The following TTLL10 variants were observed in gnomAD, a reference collection of about 807,000 sequenced individuals.
TTLL10 encodes the protein inactive polyglycylase TTLL10.
TTLL10 carries 61 observed loss-of-function variants against 69.0 expected under a neutral mutation model. The ratio of observed to expected loss-of-function variants is 0.88; its 90% CI spans 0.72 to 1.09. The LOEUF is 1.09. TTLL10 is among the 50% of genes least tolerant of loss of function. The pLI is 0.00. For missense variants in TTLL10, 962 were observed against 945.9 expected, an observed-to-expected ratio of 1.02 and a Z score of -0.22; for synonymous variants, 408 against 393.3, an observed-to-expected ratio of 1.04 and a Z score of -0.44.
At chr1:1,183,472 A>C (rs1018322792) in intron 11 of TTLL10, among the ~76,000 whole-genome samples, 1 of 151,404 alleles carries the variant, frequency 6.6e-6, no homozygotes. Context: ...AGACCTGTCG[A>C]CCTCACCCCC....
chr1:1,174,840 C>A (rs1427539503), intron 3 of TTLL10: 1 of 152,204 alleles, frequency 6.6e-6, no homozygotes, highest in Non-Finnish European at 1.5e-5. Flanking sequence ...GATTTCAGTC[C>A]GGGGCGGTGG....
chr1:1,185,518 C>T lies in TTLL10; in HGVS notation c.1401+409C>T, dbSNP rs1284574340. On this transcript the variant is annotated intron_variant, in intron 13 of 15. Transcript: ENST00000379289. The surrounding 1 kb of genome is among the most constrained non-coding windows in gnomAD (Gnocchi z 6.1). ...GCAGCTGCCCGTGCAGGCCCGGACT[C>T]TCCCTAGCTAAGGGCCATGTGCGGT... The T allele has an allele frequency of 2.7e-5, 28 of 1,038,196 alleles. No individual in the cohort carries two copies. The highest frequency in any genetic ancestry group is 3.1e-5 in the Non-Finnish European group (27 of 864,784). The allele number at this position is 1,038,196 out of a possible 1,614,324, so 64.3% of individuals were successfully genotyped here. A position where few individuals can be genotyped will look rare whatever the true frequency, so the allele number is the denominator to read the frequency against.
At chr1:1,192,042 G>T (rs1647831658) in intron 13 of TTLL10, among the ~76,000 whole-genome samples, 1 of 152,248 alleles carries the variant, frequency 6.6e-6, no homozygotes, top group Non-Finnish European at 1.5e-5. Context: ...GTGCTGCAGA[G>T]ATTTGTTTAT....
intron 5 of TTLL10, 134 bp from the exon 6 acceptor site, chr1:1,179,900 C>A: frequency 4.9e-6 from 7 of 1,437,558 alleles, no homozygotes; most frequent in Non-Finnish European, 6.4e-6. Flanking sequence ...TCGGGCTGAA[C>A]TTGAGCCCCA....
At position 1,181,760 on chromosome 1, in the gene TTLL10, G is replaced by T; in HGVS notation, c.775G>T (p.Ala259Ser). ...VQARLEKDAA[A>S]PALEDLPWTS... Reference sequence around the variant, plus strand: ...CTGCAGGCTGGAAAAGGACGCAGCAGCGCCCGCCCTGGAGGACCTCCCGTG... The same window carrying T: ...CTGCAGGCTGGAAAAGGACGCAGCATCGCCCGCCCTGGAGGACCTCCCGTG... The change falls in exon 9 of 16, where the codon GCG (alanine) becomes TCG (serine). Residue 259 changes from alanine to serine, a missense_variant. Transcript: ENST00000379289. This position sits in a 1 kb window ranked among gnomAD's most constrained non-coding sequence, Gnocchi z 4.6. 1 of 1,606,830 alleles carries T rather than the reference G, an allele frequency of 6.2e-7. No homozygotes were observed. Among genetic ancestry groups the T allele is most frequent in the Non-Finnish European group, 8.5e-7 (1 of 1,177,816 alleles).
intron 3 of TTLL10, among the ~76,000 whole-genome samples, chr1:1,178,191 A>G (rs12058450): frequency 0.14 from 21,750 of 152,088 alleles, 2,075 homozygotes; most frequent in African/African-American, 0.27. Flanking sequence ...CTCCAGCCTC[A>G]GAGCCCCCAC....
In TTLL10 at chr1:1,180,173, C is replaced by T. The variant is rs267597918; in HGVS notation, c.339C>T (p.Pro113=). 6.2e-7 allele frequency: 1 copy of T among 1,611,326 alleles called. No individual in the cohort carries two copies. Among genetic ancestry groups the T allele is most frequent in the Non-Finnish European group, 8.5e-7 (1 of 1,179,400 alleles). Residue 113 remains proline (P), a synonymous_variant, in exon 6 of 16, where the codon CCC becomes CCT. Coordinates refer to ENST00000379289, the MANE Select transcript of TTLL10 (RefSeq NM_001130045.2). ...GAERASATPG[P]PGLLNSHRPA... is the part of the protein sequence containing the mutation. ...AAAGAGCCTCTGCCACACCCGGACC[C>T]CCTGGGCTCCTGAACAGCCACCGGC...
chr1:1,195,221 C>A (rs893500906), intron 13 of TTLL10, among the ~76,000 whole-genome samples: 1 of 152,110 alleles, frequency 6.6e-6, no homozygotes, highest in Non-Finnish European at 1.5e-5. Flanking sequence ...AAACTCCTGA[C>A]CTCAAGCGAT....
chr1:1,190,707 C>T (rs9727406), intron 13 of TTLL10, among the ~76,000 whole-genome samples: 16,317 of 152,058 alleles, frequency 0.11, 1,218 homozygotes, highest in African/African-American at 0.22. Context: ...TCAGTTTTTT[C>T]TTCTTGCTTA....
At chr1:1,177,343 G>A (rs898893884) in intron 3 of TTLL10, among the ~76,000 whole-genome samples, 8 of 151,532 alleles carry the variant, frequency 5.3e-5, no homozygotes, top group Non-Finnish European at 7.4e-5. Flanking sequence ...ACGGAGTCTC[G>A]CTCTGTCGCC....
intron 13 of TTLL10, among the ~76,000 whole-genome samples, chr1:1,190,522 G>A (rs1278891887): frequency 6.6e-6 from 1 of 151,644 alleles, no homozygotes; most frequent in Admixed American, 6.6e-5. Flanking sequence ...CTGCCTCCCG[G>A]GTTCAAATGA....
Position 1,179,292 on chromosome 1 carries a change from A to T in TTLL10, c.77A>T (p.Lys26Met). The T allele has an allele frequency of 6.4e-7, 1 of 1,551,206 alleles. No homozygotes were observed. The highest frequency in any genetic ancestry group is 8.7e-7 in the Non-Finnish European group (1 of 1,146,800). The change falls in exon 4 of 16, where the codon AAG becomes ATG. Residue 26 changes from lysine to methionine, a missense_variant. Lys to Met is a moderately conservative substitution (Grantham distance 95). Transcript: ENST00000379289. ...TRTRAGFKRG[K>M]RPRIQQRPRA... ...ACCCGAGCCGGCTTCAAGAGGGGCAAGAGGCCAAGGATCCAGCAGAGGCCT... is the reference window on the plus strand; with the variant it reads ...ACCCGAGCCGGCTTCAAGAGGGGCATGAGGCCAAGGATCCAGCAGAGGCCT...
At chr1:1,187,776 G>A (rs1203813181) in intron 13 of TTLL10, among the ~76,000 whole-genome samples, 1 of 152,050 alleles carries the variant, frequency 6.6e-6, no homozygotes, top group Non-Finnish European at 1.5e-5. Flanking sequence ...GTGGTGGCGT[G>A]CACCTGTAGT....
chr1:1,188,992 T>C (rs1000630668), intron 13 of TTLL10, among the ~76,000 whole-genome samples: 14 of 152,356 alleles, frequency 9.2e-5, no homozygotes, highest in Admixed American at 3.3e-4. Flanking sequence ...CTGATTTTTG[T>C]GTGTTGATCT....
intron 11 of TTLL10, among the ~76,000 whole-genome samples, chr1:1,183,512 G>C (rs1283996801): frequency 6.6e-6 from 1 of 152,156 alleles, no homozygotes; most frequent in African/African-American, 2.4e-5. Context: ...TCTGACCACA[G>C]CTGCCGTCTG....
In TTLL10 at chr1:1,197,085, TG is replaced by T. The variant is rs1161811343; in HGVS notation, c.1519-4del. On this transcript the variant is annotated splice_region_variant and splice_polypyrimidine_tract_variant and intron_variant, in intron 14 of 15. Transcript: ENST00000379289. ...GGGTGAGGAGGGACTGACTGGCGTC[TG>T]GGGCAGGTATGGCTGCTGGAGATGA... 3.2e-6 allele frequency: 5 copies of T among 1,550,964 alleles called. No homozygotes were observed. Among genetic ancestry groups the T allele is most frequent in the Non-Finnish European group, 4.4e-6 (5 of 1,146,724 alleles).
chr1:1,193,192 G>T (rs1345826284), intron 13 of TTLL10, among the ~76,000 whole-genome samples: 3 of 152,052 alleles, frequency 2.0e-5, no homozygotes, highest in Non-Finnish European at 4.4e-5. Flanking sequence ...AGGCGTGGTG[G>T]TGAGCAACTG....
intron 13 of TTLL10, among the ~76,000 whole-genome samples, chr1:1,191,265 A>G (rs997000790): frequency 4.6e-5 from 7 of 152,168 alleles, no homozygotes; most frequent in South Asian, 2.1e-4. Flanking sequence ...GTCAGAGAAC[A>G]TACTTTATAA....
chr1:1,180,989 CAGGCTCCCAGGCTGGCTCCA>C (rs1647048600), intron 8 of TTLL10, 129 bp downstream of exon 8: 3 of 826,746 alleles, frequency 3.6e-6, no homozygotes, highest in African/African-American at 2.0e-5. Context: ...CCTGGCCACC[CAGGCTCCCAGGCTGGCTCCA>C]GCCCCTGCCC....
Sources: allele counts gnomAD v4.1 joint callset (sites outside exome capture counted in the v4.1 genomes callset), GRCh38; gene constraint gnomAD v4.1.1; non-coding constraint Gnocchi (gnomAD v3.1); transcripts MANE v1.5; gene names NCBI Gene and HGNC (gene_info 2026-07-23, HGNC 2026-07-21).